ZNF439: variants seen among roughly 807,000 people sequenced by gnomAD.
ZNF439 encodes zinc finger protein 439.
Under a neutral mutation model 47.3 loss-of-function variants are expected in ZNF439, and 40 were observed. The ratio of observed to expected loss-of-function variants is 0.85; its 90% CI spans 0.66 to 1.10. The LOEUF (loss-of-function observed/expected upper bound fraction) is 1.10, where lower values mean the gene tolerates loss of function less well. Among genes scored for constraint, ZNF439 ranks in the 50% least tolerant of loss-of-function variants. The probability of loss-of-function intolerance (pLI) is 0.00; values close to 1 mark genes in which losing one functional copy is unlikely to be tolerated. For synonymous variants in ZNF439, 171 were observed against 198.8 expected, an observed-to-expected ratio of 0.86 and a Z score of 1.18; for missense variants, 556 against 601.1, an observed-to-expected ratio of 0.93 and a Z score of 0.78.
At chr19:11,859,452 C>T (rs547580683) in intron 1 of ZNF439, among the ~76,000 whole-genome samples, 154 of 152,170 alleles carry the variant, frequency 1.0e-3, no homozygotes, top group African/African-American at 3.6e-3. Context: ...ATTTAAATTC[C>T]GTGTTAGGTA....
intron 1 of ZNF439, among the ~76,000 whole-genome samples, chr19:11,854,979 A>G (rs771106041): frequency 6.6e-6 from 1 of 152,214 alleles, no homozygotes; most frequent in Non-Finnish European, 1.5e-5. Context: ...ATTATTGGAT[A>G]GTATCCCAAC....
At chr19:11,850,599 A>T (rs1457565853) in intron 1 of ZNF439, 1 of 152,110 alleles carries the variant, frequency 6.6e-6, no homozygotes, top group African/African-American at 2.4e-5. Flanking sequence ...TGGACTCAGT[A>T]CTCCAAAATT....
chr19:11,848,727 C>G lies in ZNF439; in HGVS notation c.-141C>G, dbSNP rs1389343593. On this transcript the variant is annotated 5_prime_UTR_variant, in exon 1 of 4. Transcript: ENST00000682736. ...AGGCACTGGCTCGGGGCCCTGCCCA[C>G]TGTGCATCCAGGCACGGAGGATGTT... The G allele has an allele frequency of 1.8e-6, 2 of 1,133,416 alleles. No homozygotes were observed. The highest frequency in any genetic ancestry group is 5.5e-5 in the East Asian group (1 of 18,020). The allele number at this position is 1,133,416 out of a possible 1,614,324, so 70.2% of individuals were successfully genotyped here.
At position 11,866,348 on chromosome 19, in the gene ZNF439, T is replaced by A; in HGVS notation, c.190+17T>A. On this transcript the variant is annotated intron_variant, in intron 2 of 3. Coordinates refer to ENST00000682736, the MANE Select transcript of ZNF439 (RefSeq NM_001348719.2). ...CCTCTATAGGTAAGGATGACAATAT[T>A]CCTTCCCTCAGTGCATTAGTTTACC... 1 of 1,614,034 alleles carries A rather than the reference T, an allele frequency of 6.2e-7. No homozygotes were observed. Among genetic ancestry groups the A allele is most frequent in the Non-Finnish European group, 8.5e-7 (1 of 1,179,982 alleles).
At chr19:11,865,459 G>A (rs1160947195) in intron 1 of ZNF439, among the ~76,000 whole-genome samples, 1 of 148,702 alleles carries the variant, frequency 6.7e-6, no homozygotes, top group African/African-American at 2.5e-5. Context: ...GTTTTGGGTG[G>A]TCCCTGGGGT....
chr19:11,866,595 C>T lies in ZNF439; in HGVS notation c.249C>T (p.Phe83=). The T allele has an allele frequency of 6.2e-7, 1 of 1,613,236 alleles. No homozygotes were observed. Among genetic ancestry groups the T allele is most frequent in the South Asian group, 1.1e-5 (1 of 91,008 alleles). The part of the protein sequence containing the change: ...EYEYQNPRRN[F]RSVTEEKVNE... ...AGTACCAAAACCCCAGGAGAAACTT[C>T]AGGTAATTTGCACTTATAAGAGAAA... Residue 83 remains phenylalanine, a splice_region_variant and synonymous_variant, in exon 3 of 4, where the codon TTC becomes TTT. Coordinates refer to ENST00000682736, the MANE Select transcript of ZNF439 (RefSeq NM_001348719.2).
At chr19:11,864,041 T>C (rs946631740) in intron 1 of ZNF439, among the ~76,000 whole-genome samples, 1 of 152,178 alleles carries the variant, frequency 6.6e-6, no homozygotes, top group Non-Finnish European at 1.5e-5. Context: ...CTAGTGCCTC[T>C]CTTGCGATCA....
At chr19:11,850,581 C>A (rs1976209019) in intron 1 of ZNF439, 1 of 151,950 alleles carries the variant, frequency 6.6e-6, no homozygotes, top group African/African-American at 2.4e-5. Context: ...ACACAGACTC[C>A]AGAAAAATGG....
intron 1 of ZNF439, among the ~76,000 whole-genome samples, chr19:11,865,180 A>G (rs1463538518): frequency 6.6e-6 from 1 of 152,198 alleles, no homozygotes; most frequent in Non-Finnish European, 1.5e-5. Flanking sequence ...GGGTGGCTGC[A>G]TTGCTCATTA....
Position 11,868,942 on chromosome 19 carries a change from C to T in ZNF439, c.*373C>T, listed in dbSNP as rs558202710. On this transcript the variant is annotated 3_prime_UTR_variant, in exon 4 of 4. Transcript: ENST00000682736. ...GGAAAGCATTCATATCTGCCAAGAT[C>T]GTTTGAATACATGCAAAACACACAC... 4 of 313,398 alleles carry T rather than the reference C, an allele frequency of 1.3e-5. No homozygotes were observed. The highest frequency in any genetic ancestry group is 8.8e-5 in the East Asian group (1 of 11,336). The allele number at this position is 313,398 out of a possible 1,614,324, so 19.4% of individuals were successfully genotyped here. A position where few individuals can be genotyped will look rare whatever the true frequency, so the allele number is the denominator to read the frequency against.
chr19:11,855,422 A>G (rs552267589), intron 1 of ZNF439, among the ~76,000 whole-genome samples: 1 of 152,266 alleles, frequency 6.6e-6, no homozygotes, highest in Non-Finnish European at 1.5e-5. Context: ...CCAAAACATA[A>G]TAAGTACATG....
intron 1 of ZNF439, chr19:11,856,885 G>C (rs1976400878): frequency 6.6e-6 from 1 of 152,272 alleles, no homozygotes; most frequent in African/African-American, 2.4e-5. Context: ...AGAGCGAACA[G>C]CTTGTTGAAG....
rs1055923149 is a variant in ZNF439, at chr19:11,848,755, A to G, written c.-113A>G. 1.3e-5 allele frequency: 16 copies of G among 1,266,210 alleles called. No individual in the cohort carries two copies. In the Admixed American group the frequency reaches 1.5e-4, roughly 12 times the overall value. The allele number at this position is 1,266,210 out of a possible 1,614,324, so 78.4% of individuals were successfully genotyped here. A position where few individuals can be genotyped will look rare whatever the true frequency, so the allele number is the denominator to read the frequency against. On this transcript the variant is annotated 5_prime_UTR_variant, in exon 1 of 4. Coordinates refer to ENST00000682736, the MANE Select transcript of ZNF439 (RefSeq NM_001348719.2). ...TGCATCCAGGCACGGAGGATGTTGC[A>G]TTCCTGCCGTCACCTTTGTCGCTGC...
intron 1 of ZNF439, among the ~76,000 whole-genome samples, chr19:11,862,338 A>G (rs1368899416): frequency 6.6e-6 from 1 of 151,974 alleles, no homozygotes; most frequent in South Asian, 2.1e-4. Context: ...TCCCAGCTAC[A>G]TGGGAGACTG....
intron 1 of ZNF439, chr19:11,857,286 C>T (rs1005817493): frequency 2.0e-5 from 3 of 152,214 alleles, no homozygotes; most frequent in African/African-American, 7.2e-5. Flanking sequence ...CAATTTGCTA[C>T]ACAGTCGATA....
rs534550619 is a variant in ZNF439 at position 11,865,904 on chromosome 19, G to A, written c.64-301G>A. ...TAGCCGGGTATGCTGGTGCATGCCT[G>A]TAATCCCAGCTACTCGGGAGGCTGA... On this transcript the variant is annotated intron_variant, in intron 1 of 3. Transcript: ENST00000682736. The A allele has an allele frequency of 3.6e-3, 2,135 of 594,334 alleles. 4 individuals are homozygous for A. Among genetic ancestry groups the A allele is most frequent in the Non-Finnish European group, 4.1e-3 (1,718 of 418,930 alleles). 36.8% of individuals were successfully genotyped at this position (594,334 alleles called of 1,614,324 possible). A position where few individuals can be genotyped will look rare whatever the true frequency, so the allele number is the denominator to read the frequency against.
chr19:11,853,930 T>A (rs1199442704), intron 1 of ZNF439, among the ~76,000 whole-genome samples: 2 of 152,206 alleles, frequency 1.3e-5, no homozygotes, highest in Admixed American at 6.5e-5. Flanking sequence ...CACTCCAGAC[T>A]TCTAAGGAAG....
chr19:11,848,786 C>T lies in ZNF439; in HGVS notation c.-82C>T. ...GCCGTCACCTTTGTCGCTGCGAGGGCGGCGGTTGGGATCTGGCCTTTCCAG... is the reference window on the plus strand; with the variant it reads ...GCCGTCACCTTTGTCGCTGCGAGGGTGGCGGTTGGGATCTGGCCTTTCCAG... On this transcript the variant is annotated 5_prime_UTR_variant, in exon 1 of 4. Transcript: ENST00000682736. 9 of 1,364,982 alleles carry T rather than the reference C, an allele frequency of 6.6e-6. No individual in the cohort carries two copies. The highest frequency in any genetic ancestry group is 7.7e-6 in the Non-Finnish European group (8 of 1,038,234). The allele number at this position is 1,364,982 out of a possible 1,614,324, so 84.6% of individuals were successfully genotyped here.
At chr19:11,853,789 C>G (rs1976313633) in intron 1 of ZNF439, among the ~76,000 whole-genome samples, 1 of 152,138 alleles carries the variant, frequency 6.6e-6, no homozygotes, top group South Asian at 2.1e-4. Flanking sequence ...GATTGGCGGT[C>G]CATCTGATTT....
Sources: gnomAD v4.1 joint callset for allele counts (sites outside exome capture counted in the v4.1 genomes callset) on GRCh38, gnomAD v4.1.1 for gene constraint, MANE v1.5 for transcripts, NCBI Gene and HGNC (gene_info 2026-07-23, HGNC 2026-07-21) for gene names.